Variants in L3MBTL1 observed in about 807,000 individuals in gnomAD.
The protein encoded by L3MBTL1 is lethal(3)malignant brain tumor-like protein 1.
L3MBTL1 carries 75 observed loss-of-function variants against 105.3 expected under a neutral mutation model. That is an observed-to-expected ratio of 0.71 (90% CI 0.59 to 0.86). The LOEUF (loss-of-function observed/expected upper bound fraction) is 0.86, where lower values mean the gene tolerates loss of function less well. Ranked by LOEUF, L3MBTL1 falls within the 40% of genes least tolerant of loss-of-function variation. L3MBTL1 has a pLI of 0.00. For missense variants in L3MBTL1, 1,069 were observed against 1,126.4 expected (o/e 0.95, Z 0.73); for synonymous variants, 452 against 436.2 (o/e 1.04, Z -0.45).
At chr20:43,540,730 A>G (rs767529272) in intron 20 of L3MBTL1, 23 bp from the exon 21 acceptor site, 6 of 1,613,460 alleles carry the variant, frequency 3.7e-6, no homozygotes, top group African/African-American at 2.7e-5. Context: ...CCCCTGGTCA[A>G]CATGTCATCT....
chr20:43,514,586 T>G, intron 3 of L3MBTL1, 49 bp from the exon 4 acceptor site: 3 of 1,598,588 alleles, frequency 1.9e-6, no homozygotes, highest in Non-Finnish European at 2.6e-6. Context: ...CCGAGATGGG[T>G]CAAGGACCCG....
exon 19 of L3MBTL1, chr20:43,548,164 C>G: frequency 7.7e-7 from 1 of 1,304,390 alleles, no homozygotes. Context: ...TTGTGAAGAT[C>G]ATGAGCGTCA....
Position 43,536,389 on chromosome 20 carries a change from C to G in L3MBTL1, c.2124-20C>G. 1 of 1,613,976 alleles carries G rather than the reference C, an allele frequency of 6.2e-7. No individual in the cohort carries two copies. The highest frequency in any genetic ancestry group is 8.5e-7 in the Non-Finnish European group (1 of 1,180,008). ...CCAGACACTGATTCCCTGCCATGGA[C>G]CTGGTCCGTCTTTCTCCAGAATTGG... On this transcript the variant is annotated intron_variant, in intron 18 of 21. Transcript: ENST00000418998.
intron 6 of L3MBTL1, 143 bp downstream of exon 6, chr20:43,515,558 C>A: frequency 9.2e-7 from 1 of 1,084,108 alleles, no homozygotes; most frequent in Non-Finnish European, 1.3e-6. Context: ...GGGGTCCCAT[C>A]CTGAGTTAGG....
At chr20:43,519,601 A>G (rs1169789708) in intron 7 of L3MBTL1, among the ~76,000 whole-genome samples, 2 of 152,168 alleles carry the variant, frequency 1.3e-5, no homozygotes, top group African/African-American at 4.8e-5. Context: ...GTGCCATTGC[A>G]CTCCAGCCTA....
intron 1 of L3MBTL1, among the ~76,000 whole-genome samples, chr20:43,508,446 G>T (rs2018044841): frequency 6.6e-6 from 1 of 152,200 alleles, no homozygotes; most frequent in African/African-American, 2.4e-5. Context: ...GTAGCGCTCA[G>T]CCTTGCTGTG....
intron 11 of L3MBTL1, chr20:43,531,309 T>G (rs559117623): frequency 4.2e-4 from 70 of 166,570 alleles, no homozygotes; most frequent in Non-Finnish European, 7.4e-4. Flanking sequence ...TTTCCAACAA[T>G]TCATCCCTTG....
At position 43,541,766 on chromosome 20, in the gene L3MBTL1, G is replaced by A. The variant is rs1293319809; in HGVS notation, c.*638G>A. The A allele has an allele frequency of 1.0e-6, 1 of 953,398 alleles. No individual in the cohort carries two copies. The highest frequency in any genetic ancestry group is 1.1e-4 in the East Asian group (1 of 8,722). 59.1% of individuals were successfully genotyped at this position (953,398 alleles called of 1,614,324 possible). On this transcript the variant is annotated 3_prime_UTR_variant, in exon 22 of 22. Transcript: ENST00000418998. ...GAATCATTGACAGAAATGTCTTTAT[G>A]TAGCATATGGCTGTGTATCACTAGT...
In L3MBTL1 at chr20:43,533,363, C is replaced by T. The variant is rs201874750; in HGVS notation, c.1458C>T (p.Tyr486=). The T allele has an allele frequency of 7.4e-6, 12 of 1,613,846 alleles. No individual in the cohort carries two copies. Among genetic ancestry groups the T allele is most frequent in the Middle Eastern group, 1.6e-4 (1 of 6,080 alleles). ...YDYWCDPSSP[Y]IHPVGWCQKQ... ...TCAGGTGTGATCCCAGCAGCCCCTA[C>T]ATCCACCCAGTGGGCTGGTGCCAGA... The change falls in exon 13 of 22, where the codon TAC becomes TAT. Residue 486 remains tyrosine (Y), a synonymous_variant. Transcript: ENST00000418998.
At position 43,540,834 on chromosome 20, in the gene L3MBTL1, G is replaced by A. The variant is rs777804617; in HGVS notation, c.2394+19G>A. 1.6e-5 allele frequency: 26 copies of A among 1,613,922 alleles called. No individual in the cohort carries two copies. The African/African-American group carries it at 3.2e-4, about 20-fold the overall frequency. ...AGACGAGGTAAGGTGCAAGTGCAGA[G>A]TGGGAGACAGAGCCGGGGTCACTGT... On this transcript the variant is annotated intron_variant, in intron 21 of 21. Transcript: ENST00000418998.
chr20:43,541,151 T>C lies in L3MBTL1; in HGVS notation c.*23T>C. On this transcript the variant is annotated 3_prime_UTR_variant, in exon 22 of 22. Coordinates refer to ENST00000418998, the MANE Select transcript of L3MBTL1 (RefSeq NM_001377303.1). ...TAAAGTGTACTTTTTTCCCCTTTAA[T>C]CCAATATAGTTGATAATTAAAGTGT... 1 of 1,603,414 alleles carries C rather than the reference T, an allele frequency of 6.2e-7. No individual in the cohort carries two copies.
chr20:43,546,450 A>G (rs142813613), downstream of L3MBTL1, among the ~76,000 whole-genome samples: 41 of 152,340 alleles, frequency 2.7e-4, 1 homozygote, highest in East Asian at 7.3e-3. Context: ...CATCTGTATA[A>G]TCGAGATAAT....
At chr20:43,546,427 G>A (rs148921967), downstream of L3MBTL1, among the ~76,000 whole-genome samples, 7 of 152,338 alleles carry the variant, frequency 4.6e-5, no homozygotes, top group East Asian at 1.3e-3. Flanking sequence ...TAGCCTGTCT[G>A]CCTTGGTTTC....
At chr20:43,539,839 G>A (rs2019816531) in intron 19 of L3MBTL1, 1 of 458,856 alleles carries the variant, frequency 2.2e-6, no homozygotes, top group Admixed American at 3.4e-5. Context: ...TATGTCTTTA[G>A]AGATGCTGCA....
At chr20:43,521,029 T>C (rs2018677585) in intron 7 of L3MBTL1, among the ~76,000 whole-genome samples, 1 of 152,376 alleles carries the variant, frequency 6.6e-6, no homozygotes, top group Non-Finnish European at 1.5e-5. Context: ...TATAACATTT[T>C]GGAGCCCAGC....
chr20:43,508,194 CTT>C (rs765428033), intron 1 of L3MBTL1, among the ~76,000 whole-genome samples: 13 of 141,892 alleles, frequency 9.2e-5, no homozygotes, highest in Admixed American at 1.4e-4. Context: ...GTTTCTCTCT[CTT>C]TTTTTTTTTT....
At chr20:43,520,235 GCTT>G (rs1285206125) in intron 7 of L3MBTL1, among the ~76,000 whole-genome samples, 1 of 152,150 alleles carries the variant, frequency 6.6e-6, no homozygotes, top group Admixed American at 6.6e-5. Context: ...GGCTGTATGT[GCTT>G]CTTTTTATTG....
intron 1 of L3MBTL1, among the ~76,000 whole-genome samples, chr20:43,512,047 G>A (rs946405177): frequency 1.3e-5 from 2 of 152,134 alleles, no homozygotes; most frequent in Admixed American, 1.3e-4. Flanking sequence ...ATTTTCTAGG[G>A]CAAAGTGCTT....
In L3MBTL1 at chr20:43,540,191, A is replaced by C; in HGVS notation, c.2214A>C (p.Ser738=). ...TCGTGCACCAGTCCCTCTTCATGTC[A>C]GCCCTGTCGGCCCACCCTGACCGCT... is the stretch of plus-strand genomic sequence containing the variant. ...PDVVHQSLFM[S]ALSAHPDRSL... Residue 738 remains serine (S), a synonymous_variant, in exon 20 of 22, where the codon TCA becomes TCC. Transcript: ENST00000418998. The C allele has an allele frequency of 2.5e-6, 4 of 1,613,380 alleles. No homozygotes were observed. The highest frequency in any genetic ancestry group is 2.5e-6 in the Non-Finnish European group (3 of 1,180,016).
Sources: gnomAD v4.1 joint callset for allele counts (sites outside exome capture counted in the v4.1 genomes callset) on GRCh38, gnomAD v4.1.1 for gene constraint, MANE v1.5 for transcripts, NCBI Gene and HGNC (gene_info 2026-07-23, HGNC 2026-07-21) for gene names.